The following LINS1 variants were observed in gnomAD, a reference collection of about 807,000 sequenced individuals.
LINS1 encodes lines homolog 1.
A neutral mutation model predicts 41.6 loss-of-function variants in LINS1; 27 were observed. That is an observed-to-expected ratio of 0.65 (90% CI 0.48 to 0.89). The LOEUF is 0.89. LINS1 is among the 40% of genes least tolerant of loss of function. The pLI is 0.00. For synonymous variants in LINS1, 336 were observed against 312.9 expected (o/e 1.07, Z -0.78); for missense variants, 955 against 884.1 (o/e 1.08, Z -1.02).
At chr15:100,596,002 T>G (rs1037959337) in intron 1 of LINS1, among the ~76,000 whole-genome samples, 3 of 152,222 alleles carry the variant, frequency 2.0e-5, no homozygotes, top group Non-Finnish European at 4.4e-5. Context: ...GGCAGATATC[T>G]TCCGACAGCA....
At chr15:100,579,233 C>A (rs2038381793) in intron 3 of LINS1, among the ~76,000 whole-genome samples, 1 of 149,934 alleles carries the variant, frequency 6.7e-6, no homozygotes, top group African/African-American at 2.4e-5. Context: ...GTGATAACCA[C>A]AAAAAAACCA....
At chr15:100,589,293 G>A (rs140355723) in intron 1 of LINS1, among the ~76,000 whole-genome samples, 1 of 152,302 alleles carries the variant, frequency 6.6e-6, no homozygotes, top group Non-Finnish European at 1.5e-5. Flanking sequence ...AAATTTCCTT[G>A]TATAAAGCTG....
Position 100,574,063 on chromosome 15 carries a change from G to T in LINS1, c.810C>A (p.Phe270Leu). 1 of 1,614,166 alleles carries T rather than the reference G, an allele frequency of 6.2e-7. No homozygotes were observed. ...TCAAAAATAAAATCCTCTGGCAAGT[G>T]AAATGTAACTTCAGGTGGATTCTGG... is the stretch of plus-strand genomic sequence containing the variant. ...IASRIHLKLH[F>L]TCQRILFLKP... is the part of the protein sequence containing the mutation. The change falls in exon 5 of 7, where the codon TTC (phenylalanine) becomes TTA (leucine). Residue 270 changes from phenylalanine to leucine, a missense_variant. By Grantham distance (22) the Phe-to-Leu change is conservative. Transcript: ENST00000314742.
chr15:100,590,250 G>T (rs1028812892), intron 1 of LINS1, among the ~76,000 whole-genome samples: 10 of 152,166 alleles, frequency 6.6e-5, no homozygotes, highest in Non-Finnish European at 1.3e-4. Context: ...TGAAAAGGGG[G>T]TCTGTTGTAT....
chr15:100,587,368 T>A (rs1413635881), intron 1 of LINS1, among the ~76,000 whole-genome samples: 1 of 152,064 alleles, frequency 6.6e-6, no homozygotes, highest in Non-Finnish European at 1.5e-5. Flanking sequence ...ACAGGATGTA[T>A]AATGATATTG....
At chr15:100,579,523 TAAG>T (rs1366692943) in intron 3 of LINS1, among the ~76,000 whole-genome samples, 1 of 152,052 alleles carries the variant, frequency 6.6e-6, no homozygotes, top group Non-Finnish European at 1.5e-5. Flanking sequence ...GTGTTATCTC[TAAG>T]TAGTGAATTT....
intron 1 of LINS1, among the ~76,000 whole-genome samples, chr15:100,581,701 G>A (rs1328660112): frequency 1.3e-5 from 2 of 152,176 alleles, no homozygotes; most frequent in African/African-American, 2.4e-5. Flanking sequence ...GGAAGGAGGG[G>A]GGTTTTGCTC....
chr15:100,591,276 A>C (rs376312552), intron 1 of LINS1, among the ~76,000 whole-genome samples: 9 of 152,238 alleles, frequency 5.9e-5, no homozygotes, highest in African/African-American at 2.2e-4. Context: ...CTAGAATGTC[A>C]AATGGTCTCT....
chr15:100,577,468 G>T (rs1171260711), intron 3 of LINS1, among the ~76,000 whole-genome samples: 1 of 152,156 alleles, frequency 6.6e-6, no homozygotes, highest in Non-Finnish European at 1.5e-5. Context: ...ACTTACAAGG[G>T]ATGTGAAGGA....
chr15:100,573,250 A>C, intron 5 of LINS1: 1 of 437,368 alleles, frequency 2.3e-6, no homozygotes, highest in Non-Finnish European at 3.1e-6. Context: ...GACAGGAGGA[A>C]TAGCATGGGC....
chr15:100,588,766 C>T (rs964748920), intron 1 of LINS1, among the ~76,000 whole-genome samples: 3 of 152,184 alleles, frequency 2.0e-5, no homozygotes, highest in African/African-American at 7.2e-5. Context: ...AATTCTTGTC[C>T]TAAAGTAAAA....
chr15:100,577,021 G>A (rs1231248318), intron 3 of LINS1, among the ~76,000 whole-genome samples: 7 of 152,104 alleles, frequency 4.6e-5, no homozygotes, highest in African/African-American at 1.4e-4. Flanking sequence ...CTGATGGGAC[G>A]TATCTAAAAA....
intron 1 of LINS1, among the ~76,000 whole-genome samples, chr15:100,593,569 G>A (rs917388428): frequency 7.3e-6 from 1 of 136,822 alleles, no homozygotes. Flanking sequence ...TGGGGGGGGG[G>A]GGTGCTTAAT....
At chr15:100,570,332 C>T (rs978445591) in intron 6 of LINS1, 1 of 451,146 alleles carries the variant, frequency 2.2e-6, no homozygotes, top group African/African-American at 2.0e-5. Context: ...TTTGGCAGTT[C>T]TAGTTTTTGT....
intron 1 of LINS1, among the ~76,000 whole-genome samples, chr15:100,594,808 T>C (rs934612353): frequency 2.6e-5 from 4 of 152,084 alleles, no homozygotes; most frequent in African/African-American, 9.7e-5. Flanking sequence ...CCCAATTCCC[T>C]AAATATTTTT....
chr15:100,581,975 A>T (rs1019967354), intron 1 of LINS1, among the ~76,000 whole-genome samples: 2 of 152,188 alleles, frequency 1.3e-5, no homozygotes, highest in African/African-American at 4.8e-5. Context: ...GTGATTTCAC[A>T]CTCTTGAAAT....
In LINS1 at chr15:100,568,575, A is replaced by G. The variant is rs527620988; in HGVS notation, c.*663T>C. On this transcript the variant is annotated 3_prime_UTR_variant, in exon 7 of 7. Transcript: ENST00000314742. ...GGATTCTTCTCCAGACCCTGAGGGC[A>G]TTGCCCTGCTGAAGCCTGAGTTTGG... The G allele has an allele frequency of 6.6e-6, 1 of 152,602 alleles. No homozygotes were observed. The highest frequency in any genetic ancestry group is 1.9e-4 in the East Asian group (1 of 5,182). 9.5% of individuals were successfully genotyped at this position (152,602 alleles called of 1,614,324 possible).
rs776517570 is a variant in LINS1 at position 100,572,052 on chromosome 15, C to A, written c.1236G>T (p.Arg412Ser). 1.2e-6 allele frequency: 2 copies of A among 1,614,068 alleles called. No individual in the cohort carries two copies. Among genetic ancestry groups the A allele is most frequent in the South Asian group, 1.1e-5 (1 of 91,068 alleles). The change falls in exon 6 of 7, where the codon AGG becomes AGT. Residue 412 changes from arginine (R) to serine (S), a missense_variant. Coordinates refer to ENST00000314742, the MANE Select transcript of LINS1 (RefSeq NM_001040616.3). Reference protein sequence around the residue: ...SASEVKVDLQRFMSELLTFLK... With the variant: ...SASEVKVDLQSFMSELLTFLK... ...AGAAGGTCAGTAACTCAGACATGAA[C>A]CTCTGTAAGTCAACTTCAAAAAATG...
intron 3 of LINS1, among the ~76,000 whole-genome samples, chr15:100,577,420 A>G (rs1250738063): frequency 2.0e-5 from 3 of 152,328 alleles, no homozygotes; most frequent in Admixed American, 1.3e-4. Flanking sequence ...ACTCCCATTC[A>G]CAATTGCTTC....
Sources: gnomAD v4.1 joint callset for allele counts (sites outside exome capture counted in the v4.1 genomes callset) on GRCh38, gnomAD v4.1.1 for gene constraint, MANE v1.5 for transcripts, NCBI Gene and HGNC (gene_info 2026-07-23, HGNC 2026-07-21) for gene names.